Variants in WDR20 observed in about 807,000 individuals in gnomAD.
WDR20 encodes the protein WD repeat domain 20, also known as WD repeat-containing protein 20.
Under a neutral mutation model 38.7 loss-of-function variants are expected in WDR20, and 3 were observed. That is an observed-to-expected ratio of 0.08 (90% CI 0.04 to 0.20). The LOEUF is 0.20. Ranked by LOEUF, WDR20 falls within the 10% of genes least tolerant of loss-of-function variation. WDR20 has a pLI of 1.00. For missense variants in WDR20, 559 were observed against 727.7 expected, an observed-to-expected ratio of 0.77 and a Z score of 2.67; for synonymous variants, 298 against 285.6, an observed-to-expected ratio of 1.04 and a Z score of -0.44.
downstream of WDR20, among the ~76,000 whole-genome samples, chr14:102,217,600 T>TCCCTGGGCTGGG (rs142968675): frequency 0.046 from 6,982 of 152,172 alleles, 182 homozygotes; most frequent in Middle Eastern, 0.068. Context: ...GGTCCCGACG[T>TCCCTGGGCTGGG]CCCTGGGCTG....
In WDR20 at chr14:102,220,366, CT is replaced by C. The variant is rs2063746310; in HGVS notation, c.1693-2462del. On this transcript the variant is annotated intron_variant, in intron 3 of 3. Coordinates refer to the WDR20 transcript ENST00000335263. This position sits in a 1 kb window ranked among gnomAD's most constrained non-coding sequence, Gnocchi z 4.2. The stretch of plus-strand genomic sequence containing the variant: ...ACCACACAGCACACCTCAAAGGCTT[CT>C]TACCAAAAAAGTCATTAGTAATTTT... Among the ~76,000 whole-genome samples the C allele has an allele frequency of 6.6e-6, 1 of 152,198 alleles. No homozygotes were observed. Among genetic ancestry groups the C allele is most frequent in the South Asian group, 2.1e-4 (1 of 4,832 alleles).
chr14:102,190,070 G>C (rs1220330744), intron 1 of WDR20, among the ~76,000 whole-genome samples: 14 of 152,176 alleles, frequency 9.2e-5, no homozygotes, highest in Admixed American at 9.2e-4. Context: ...CATTGCTTAT[G>C]AGTTGTGTGG....
intron 2 of WDR20, chr14:102,197,930 T>A (rs946768284): frequency 6.2e-6 from 4 of 642,130 alleles, no homozygotes; most frequent in Non-Finnish European, 5.7e-6. Context: ...TGCCCAGCAC[T>A]GGGTCTGCAG....
chr14:102,140,791 TG>T (rs1408305370), intron 1 of WDR20, among the ~76,000 whole-genome samples: 2 of 152,322 alleles, frequency 1.3e-5, no homozygotes, highest in Admixed American at 6.5e-5. Context: ...GTCTCCGCCG[TG>T]GGGACCTTCT....
At chr14:102,152,460 G>A (rs1029337550) in intron 1 of WDR20, among the ~76,000 whole-genome samples, 2 of 151,538 alleles carry the variant, frequency 1.3e-5, no homozygotes, top group Non-Finnish European at 2.9e-5. Context: ...CTGTCACCAG[G>A]CTGGAGTACA....
At chr14:102,194,726 CATATT>C (rs1294493656) in intron 1 of WDR20, among the ~76,000 whole-genome samples, 1 of 152,188 alleles carries the variant, frequency 6.6e-6, no homozygotes, top group Non-Finnish European at 1.5e-5. Context: ...CAGTTGTAAA[CATATT>C]ATAGATAGTC....
chr14:102,177,543 C>G (rs926533696), intron 1 of WDR20, among the ~76,000 whole-genome samples: 1 of 151,940 alleles, frequency 6.6e-6, no homozygotes, highest in African/African-American at 2.4e-5. Context: ...TCTCAAAAAC[C>G]CAGTGTCGTG....
chr14:102,204,158 C>T (rs1291577363), intron 2 of WDR20, among the ~76,000 whole-genome samples: 2 of 152,084 alleles, frequency 1.3e-5, no homozygotes, highest in Non-Finnish European at 2.9e-5. Flanking sequence ...AGACAGCATG[C>T]TCGCTTTGGG....
In WDR20 at chr14:102,207,400, A is replaced by G. The variant is rs542049492; in HGVS notation, c.433-1203A>G. 1.1e-4 allele frequency among the ~76,000 whole-genome samples: 16 copies of G among 152,380 alleles called. 1 individual carries two copies. The South Asian group carries it at 1.9e-3, about 18-fold the overall frequency. On this transcript the variant is annotated intron_variant, in intron 2 of 2. Coordinates refer to ENST00000342702, the MANE Select transcript of WDR20 (RefSeq NM_144574.4). This position sits in a 1 kb window ranked among gnomAD's most constrained non-coding sequence, Gnocchi z 5.0. Reference sequence around the variant, plus strand: ...AAGATGTAGCACACATGGCGGGCACATGGCCTCAAAGCCACCCTGGCAGAA... The same window carrying G: ...AAGATGTAGCACACATGGCGGGCACGTGGCCTCAAAGCCACCCTGGCAGAA...
intron 1 of WDR20, among the ~76,000 whole-genome samples, chr14:102,143,929 C>T (rs1424353937): frequency 6.6e-6 from 1 of 151,788 alleles, no homozygotes; most frequent in Non-Finnish European, 1.5e-5. Context: ...GTAATCCCAG[C>T]ACTTTGGGAG....
chr14:102,150,131 G>A (rs1230069036), intron 1 of WDR20, among the ~76,000 whole-genome samples: 1 of 152,172 alleles, frequency 6.6e-6, no homozygotes, highest in Non-Finnish European at 1.5e-5. Context: ...TAAGAAAGAA[G>A]CAAGAATCAT....
chr14:102,205,936 G>A (rs2061453884), intron 2 of WDR20, among the ~76,000 whole-genome samples: 1 of 152,060 alleles, frequency 6.6e-6, no homozygotes. Flanking sequence ...TTATCTGTAA[G>A]TTACATCCAT....
rs1390967308 is a variant in WDR20 at position 102,221,824 on chromosome 14, T to A, written c.1693-1006T>A. Among the ~76,000 whole-genome samples, 1 of 152,178 alleles carries A rather than the reference T, an allele frequency of 6.6e-6. No individual in the cohort carries two copies. Among genetic ancestry groups the A allele is most frequent in the Non-Finnish European group, 1.5e-5 (1 of 68,044 alleles). ...AATGTCAGCTTGAGTTAAAGGCTTGTCATTTGTAAACAGTACTCATCAGCT... is the reference window on the plus strand; with the variant it reads ...AATGTCAGCTTGAGTTAAAGGCTTGACATTTGTAAACAGTACTCATCAGCT... On this transcript the variant is annotated intron_variant, in intron 3 of 3. Coordinates refer to the WDR20 transcript ENST00000335263. This position sits in a 1 kb window ranked among gnomAD's most constrained non-coding sequence, Gnocchi z 4.8.
intron 1 of WDR20, among the ~76,000 whole-genome samples, chr14:102,181,034 A>C (rs1401568803): frequency 6.6e-6 from 1 of 152,216 alleles, no homozygotes; most frequent in African/African-American, 2.4e-5. Context: ...GGACACATTC[A>C]GCTTGAAAGC....
chr14:102,200,742 G>A (rs776063728), intron 2 of WDR20, among the ~76,000 whole-genome samples: 8 of 152,156 alleles, frequency 5.3e-5, no homozygotes, highest in African/African-American at 9.7e-5. Context: ...GGCTTCTTTC[G>A]TTACTGACAC....
rs1567024332 is a variant in WDR20, at chr14:102,200,470, TG to T, written c.432+5351del. 7.3e-3 allele frequency among the ~76,000 whole-genome samples: 577 copies of T among 78,756 alleles called. 1 individual carries two copies. Among genetic ancestry groups the T allele is most frequent in the South Asian group, 0.015 (26 of 1,778 alleles). The allele number at this position is 78,756 out of a possible 152,430, so 51.7% of individuals were successfully genotyped here. On this transcript the variant is annotated intron_variant, in intron 2 of 2. Transcript: ENST00000342702. ...TTTACTTTTTAAATTTTTTTTTTTG[TG>T]TGTGTGTGTGTGTGTGTGTGTGTGT...
downstream of WDR20, among the ~76,000 whole-genome samples, chr14:102,210,869 C>A (rs927827590): frequency 6.6e-6 from 1 of 152,158 alleles, no homozygotes; most frequent in Non-Finnish European, 1.5e-5. Flanking sequence ...TGGGCTTCGT[C>A]CCCCGCAGAG....
At position 102,207,990 on chromosome 14, in the gene WDR20, A is replaced by C. The variant is rs142759732; in HGVS notation, c.433-613A>C. 9.9e-4 allele frequency among the ~76,000 whole-genome samples: 151 copies of C among 152,276 alleles called. No homozygotes were observed. Among genetic ancestry groups the C allele is most frequent in the Middle Eastern group, 6.8e-3 (2 of 294 alleles). The stretch of plus-strand genomic sequence containing the variant: ...TATGGAGATGCACGTGGGGCGGTGC[A>C]TGGGAGTGAGGCGGCCTCAGTGGGC... On this transcript the variant is annotated intron_variant, in intron 2 of 2. Transcript: ENST00000342702. This position sits in a 1 kb window ranked among gnomAD's most constrained non-coding sequence, Gnocchi z 5.0.
chr14:102,181,937 C>T (rs556432333), intron 1 of WDR20, among the ~76,000 whole-genome samples: 1 of 152,258 alleles, frequency 6.6e-6, no homozygotes, highest in African/African-American at 2.4e-5. Flanking sequence ...ACAAATACAC[C>T]TCCTTTCCCT....
Sources: gnomAD v4.1 joint callset for allele counts (sites outside exome capture counted in the v4.1 genomes callset) on GRCh38, gnomAD v4.1.1 for gene constraint, Gnocchi (gnomAD v3.1) non-coding constraint, MANE v1.5 for transcripts, NCBI Gene and HGNC (gene_info 2026-07-23, HGNC 2026-07-21) for gene names.